The following TAF1B variants were observed in gnomAD, a reference collection of about 807,000 sequenced individuals.
The protein encoded by TAF1B is TATA box-binding protein-associated factor RNA polymerase I subunit B.
TAF1B carries 61 observed loss-of-function variants against 83.9 expected under a neutral mutation model. That is an observed-to-expected ratio of 0.73 (90% confidence interval 0.59 to 0.90). The LOEUF (loss-of-function observed/expected upper bound fraction) is 0.90, where lower values mean the gene tolerates loss of function less well. Among genes scored for constraint, TAF1B ranks in the 40% least tolerant of loss-of-function variants. The pLI is 0.00. For synonymous variants in TAF1B, 221 were observed against 224.6 expected (o/e 0.98, Z 0.14); for missense variants, 625 against 677.0 (o/e 0.92, Z 0.85).
At position 9,851,607 on chromosome 2, in the gene TAF1B, T is replaced by A. The variant is rs781532765; in HGVS notation, c.272T>A (p.Leu91Ter). ...QYILYQQAEA[L>*]KNLGVGPELK... ...ATTCTTTATCAACAAGCAGAAGCCTTAAAGAACCTTGGAGTAGGCCCAGAG... is the reference window on the plus strand; with the variant it reads ...ATTCTTTATCAACAAGCAGAAGCCTAAAAGAACCTTGGAGTAGGCCCAGAG... The change falls in exon 4 of 15, where the codon TTA (leucine) becomes TAA (stop). Residue 91 changes from leucine (L) to a stop codon, truncating the protein, a stop_gained. Transcript: ENST00000263663. LOFTEE classifies it high-confidence loss of function. The A allele has an allele frequency of 3.1e-6, 5 of 1,612,594 alleles. No individual in the cohort carries two copies. In the African/African-American group the frequency reaches 6.7e-5, roughly 22 times the overall value.
intron 7 of TAF1B, among the ~76,000 whole-genome samples, chr2:9,881,531 A>G (rs1264264798): frequency 6.6e-6 from 1 of 151,958 alleles, no homozygotes; most frequent in Non-Finnish European, 1.5e-5. Context: ...CCCATTTCTC[A>G]TTCTCAGTTC....
At chr2:9,882,543 A>T (rs1450107639) in intron 7 of TAF1B, among the ~76,000 whole-genome samples, 163 bp from the exon 8 acceptor site, 2 of 152,370 alleles carry the variant, frequency 1.3e-5, no homozygotes, top group Non-Finnish European at 1.5e-5. Flanking sequence ...GGGTAAAGAG[A>T]ATAATAGATA....
At position 9,903,751 on chromosome 2, in the gene TAF1B, A is replaced by G. The variant is rs372455771; in HGVS notation, c.808-1108A>G. On this transcript the variant is annotated intron_variant, in intron 8 of 14. Transcript: ENST00000263663. ...TGAGAGAGTGCAGGTGGGAAAGGTG[A>G]GAGGGAGGTTGTGTATCAGAGCAGT... Among the ~76,000 whole-genome samples, 601 of 152,296 alleles carry G rather than the reference A, an allele frequency of 3.9e-3. 3 individuals carry two copies. Among genetic ancestry groups the G allele is most frequent in the African/African-American group, 0.014 (564 of 41,576 alleles).
At chr2:9,887,703 G>A (rs922939311) in intron 8 of TAF1B, among the ~76,000 whole-genome samples, 9 of 152,020 alleles carry the variant, frequency 5.9e-5, no homozygotes, top group Admixed American at 2.6e-4. Context: ...CTTTTAATTC[G>A]TGTGTTTAAG....
At position 9,934,131 on chromosome 2, in the gene TAF1B, A is replaced by G; in HGVS notation, c.*147A>G. 1.5e-6 allele frequency: 1 copy of G among 645,878 alleles called. No homozygotes were observed. The highest frequency in any genetic ancestry group is 2.5e-5 in the South Asian group (1 of 39,818). The allele number at this position is 645,878 out of a possible 1,614,324, so 40.0% of individuals were successfully genotyped here. A position where few individuals can be genotyped will look rare whatever the true frequency, so the allele number is the denominator to read the frequency against. On this transcript the variant is annotated 3_prime_UTR_variant, in exon 15 of 15. Transcript: ENST00000263663. ...ATTTACATATATATCAAGTGTGCTT[A>G]GAAAAATGTATATTGTAAAGCAGGT...
chr2:9,871,434 AT>A (rs1369349183), intron 6 of TAF1B, among the ~76,000 whole-genome samples: 2 of 151,898 alleles, frequency 1.3e-5, no homozygotes, highest in Admixed American at 6.6e-5. Flanking sequence ...TTTTGTTGGA[AT>A]TTTTTATTTT....
chr2:9,912,488 A>G (rs549018056), intron 11 of TAF1B, among the ~76,000 whole-genome samples: 3 of 152,322 alleles, frequency 2.0e-5, no homozygotes, highest in South Asian at 4.1e-4. Context: ...CTTTCTGTAC[A>G]TTGCTCATGT....
intron 1 of TAF1B, chr2:9,844,367 A>C (rs1326708696): frequency 6.6e-6 from 1 of 151,598 alleles, no homozygotes; most frequent in East Asian, 1.9e-4. Context: ...TATGTTGTCC[A>C]GACTGGTATT....
At position 9,876,989 on chromosome 2, in the gene TAF1B, A is replaced by G. The variant is rs76582923; in HGVS notation, c.707+971A>G. Among the ~76,000 whole-genome samples the G allele has an allele frequency of 6.7e-3, 1,018 of 152,312 alleles. 16 individuals are homozygous for G. Among genetic ancestry groups the G allele is most frequent in the African/African-American group, 0.023 (938 of 41,560 alleles). On this transcript the variant is annotated intron_variant, in intron 7 of 14. Transcript: ENST00000263663. Reference sequence around the variant, plus strand: ...TTTGATTAAATGTAATGCCTCCAGTAAATGATGATAGTGCCTTTGAATTTG... The same window carrying G: ...TTTGATTAAATGTAATGCCTCCAGTGAATGATGATAGTGCCTTTGAATTTG...
intron 6 of TAF1B, among the ~76,000 whole-genome samples, chr2:9,875,214 T>G (rs1040218584): frequency 1.3e-5 from 2 of 152,288 alleles, no homozygotes; most frequent in East Asian, 3.9e-4. Flanking sequence ...TCCACCCTCC[T>G]TGGCCTCCCA....
intron 8 of TAF1B, among the ~76,000 whole-genome samples, chr2:9,898,824 A>G (rs1324742154): frequency 6.6e-6 from 1 of 152,028 alleles, no homozygotes; most frequent in Non-Finnish European, 1.5e-5. Flanking sequence ...ATGTCTGTAG[A>G]TTTCATATAT....
At chr2:9,867,326 C>T (rs1236210368) in intron 5 of TAF1B, among the ~76,000 whole-genome samples, 1 of 152,154 alleles carries the variant, frequency 6.6e-6, no homozygotes, top group Non-Finnish European at 1.5e-5. Context: ...GAGTTGCTGG[C>T]AGTGGTAACC....
At position 9,858,705 on chromosome 2, in the gene TAF1B, G is replaced by A. The variant is rs904414986; in HGVS notation, c.399+4284G>A. Among the ~76,000 whole-genome samples the A allele has an allele frequency of 3.9e-5, 6 of 152,230 alleles. No individual in the cohort carries two copies. In the South Asian group the frequency reaches 6.2e-4, roughly 16 times the overall value. ...TATGCACCCACAGGCCCATCGCCAC[G>A]TGGAAGCTGCCAAAGCTTGGGGCTT... On this transcript the variant is annotated intron_variant, in intron 5 of 14. Coordinates refer to ENST00000263663, the MANE Select transcript of TAF1B (RefSeq NM_005680.3).
chr2:9,927,457 C>T (rs1178767860), intron 14 of TAF1B, among the ~76,000 whole-genome samples: 2 of 152,220 alleles, frequency 1.3e-5, no homozygotes, highest in Non-Finnish European at 2.9e-5. Context: ...CTGTCTTCCA[C>T]AATGGTTGAA....
At chr2:9,916,796 C>G (rs1665691728) in intron 12 of TAF1B, among the ~76,000 whole-genome samples, 1 of 149,792 alleles carries the variant, frequency 6.7e-6, no homozygotes, top group Non-Finnish European at 1.5e-5. Context: ...TTAATTACAT[C>G]TCTACTGCTA....
Position 9,895,032 on chromosome 2 carries a change from A to G in TAF1B, c.808-9827A>G, listed in dbSNP as rs148257345. ...ATTATTATCTCCTGTTCAGTTGGCAAATCCTCATTGGTCAGCAGTTCATAA... is the reference window on the plus strand; with the variant it reads ...ATTATTATCTCCTGTTCAGTTGGCAGATCCTCATTGGTCAGCAGTTCATAA... On this transcript the variant is annotated intron_variant, in intron 8 of 14. Transcript: ENST00000263663. Among the ~76,000 whole-genome samples, 425 of 152,284 alleles carry G rather than the reference A, an allele frequency of 2.8e-3. 3 individuals carry two copies. Among genetic ancestry groups the G allele is most frequent in the African/African-American group, 9.1e-3 (378 of 41,554 alleles).
intron 4 of TAF1B, chr2:9,851,949 G>C (rs750038865): frequency 1.9e-6 from 1 of 514,530 alleles, no homozygotes; most frequent in African/African-American, 1.9e-5. Context: ...GTGTGTTAAT[G>C]TGCTTGTTTA....
chr2:9,878,894 A>G (rs1572242225), intron 7 of TAF1B, among the ~76,000 whole-genome samples: 2 of 152,228 alleles, frequency 1.3e-5, no homozygotes, highest in African/African-American at 4.8e-5. Flanking sequence ...GGGAAAGGCT[A>G]TTCAGAAGAT....
chr2:9,928,772 G>A (rs148011812), intron 14 of TAF1B, among the ~76,000 whole-genome samples: 3,932 of 152,206 alleles, frequency 0.026, 61 homozygotes, highest in Middle Eastern at 0.058. Flanking sequence ...GAGATGATGG[G>A]GTTTTCTGAA....
Sources: allele counts gnomAD v4.1 joint callset (sites outside exome capture counted in the v4.1 genomes callset), GRCh38; gene constraint gnomAD v4.1.1; transcripts MANE v1.5; gene names NCBI Gene and HGNC (gene_info 2026-07-23, HGNC 2026-07-21).